Variants in XDH observed in about 807,000 individuals in gnomAD.
XDH encodes the protein xanthine dehydrogenase/oxidase.
Under a neutral mutation model 156.1 loss-of-function variants are expected in XDH, and 138 were observed. The ratio of observed to expected loss-of-function variants is 0.88; its 90% confidence interval spans 0.77 to 1.02. The LOEUF (loss-of-function observed/expected upper bound fraction) is 1.02, where lower values mean the gene tolerates loss of function less well. XDH is among the 50% of genes least tolerant of loss of function. XDH has a pLI of 0.00. For missense variants in XDH, 1,849 were observed against 1,684.9 expected, an observed-to-expected ratio of 1.10 and a Z score of -1.71; for synonymous variants, 669 against 625.7, an observed-to-expected ratio of 1.07 and a Z score of -1.03.
In XDH at chr2:31,368,070, A is replaced by G; in HGVS notation, c.2101-13T>C. ...TCTTTATAGCATCCTGAGGATCACA[A>G]AGAAGTTTCAGAAATGTGGCTTTTA... is the stretch of plus-strand genomic sequence containing the variant. On this transcript the variant is annotated splice_polypyrimidine_tract_variant and intron_variant, in intron 19 of 35. Coordinates refer to ENST00000379416, the MANE Select transcript of XDH (RefSeq NM_000379.4). 6.2e-7 allele frequency: 1 copy of G among 1,613,406 alleles called. No individual in the cohort carries two copies. The highest frequency in any genetic ancestry group is 1.1e-5 in the South Asian group (1 of 91,066).
At position 31,385,117 on chromosome 2, in the gene XDH, G is replaced by A. The variant is rs1455727973; in HGVS notation, c.794-1270C>T. On this transcript the variant is annotated intron_variant, in intron 9 of 35. Coordinates refer to ENST00000379416, the MANE Select transcript of XDH (RefSeq NM_000379.4). The stretch of plus-strand genomic sequence containing the variant: ...GAGGCTGGGGTGGGGGACCACATGA[G>A]CCCATGAGTTTGAGGTGAGCTATGG... 3.3e-5 allele frequency among the ~76,000 whole-genome samples: 5 copies of A among 152,116 alleles called. No individual in the cohort carries two copies. The East Asian group carries it at 9.6e-4, about 29-fold the overall frequency.
At chr2:31,413,595 T>A (rs1687397291) in intron 1 of XDH, among the ~76,000 whole-genome samples, 1 of 152,232 alleles carries the variant, frequency 6.6e-6, no homozygotes, top group Non-Finnish European at 1.5e-5. Context: ...CACATTATTG[T>A]TCTTGAAAAT....
chr2:31,343,150 C>T (rs941978060), intron 31 of XDH, among the ~76,000 whole-genome samples: 3 of 151,816 alleles, frequency 2.0e-5, no homozygotes, highest in Non-Finnish European at 4.4e-5. Context: ...TCACCATGCT[C>T]CTCTGCTTTG....
intron 2 of XDH, among the ~76,000 whole-genome samples, chr2:31,405,413 G>A (rs1047912212): frequency 6.6e-5 from 10 of 152,112 alleles, no homozygotes; most frequent in African/African-American, 2.4e-4. Flanking sequence ...CCACCCTCCA[G>A]GGCTCCCTGT....
intron 15 of XDH, among the ~76,000 whole-genome samples, chr2:31,375,023 C>CTTTCTTTTTTTTT (rs765524563): frequency 1.1e-5 from 1 of 92,348 alleles, no homozygotes; most frequent in African/African-American, 5.0e-5. Context: ...TTCTTTCTTT[C>CTTTCTTTTTTTTT]TTTTTTTTTT....
intron 2 of XDH, among the ~76,000 whole-genome samples, chr2:31,405,330 G>A (rs1687165131): frequency 6.6e-6 from 1 of 152,144 alleles, no homozygotes; most frequent in African/African-American, 2.4e-5. Context: ...AGAACTAAAG[G>A]TAAAGGGGCT....
intron 1 of XDH, among the ~76,000 whole-genome samples, chr2:31,414,164 A>T (rs569947937): frequency 6.6e-6 from 1 of 152,236 alleles, no homozygotes; most frequent in South Asian, 2.1e-4. Context: ...ATTAGAATCA[A>T]AGGCTGCGTA....
At chr2:31,353,524 T>C (rs1685543017) in intron 24 of XDH, among the ~76,000 whole-genome samples, 1 of 152,198 alleles carries the variant, frequency 6.6e-6, no homozygotes, top group Non-Finnish European at 1.5e-5. Context: ...CAGTAGGGAC[T>C]TTGCAACCCA....
intron 15 of XDH, 135 bp downstream of exon 15, chr2:31,375,245 C>A: frequency 1.7e-6 from 2 of 1,202,648 alleles, no homozygotes; most frequent in South Asian, 2.4e-5. Context: ...TTCCAAGATT[C>A]TTGTGCTGTG....
intron 32 of XDH, 80 bp from the exon 33 acceptor site, chr2:31,341,474 C>G (rs1685123849): frequency 6.9e-7 from 1 of 1,440,800 alleles, no homozygotes; most frequent in Non-Finnish European, 9.6e-7. Flanking sequence ...TAGTGACCCT[C>G]AGACTACAAG....
intron 9 of XDH, among the ~76,000 whole-genome samples, chr2:31,385,102 T>G (rs899401034): frequency 7.9e-5 from 12 of 151,778 alleles, no homozygotes; most frequent in Non-Finnish European, 1.8e-4. Flanking sequence ...GAGGCTGGGG[T>G]GGGGGACCAC....
At chr2:31,388,596 C>T (rs1009168830) in intron 6 of XDH, among the ~76,000 whole-genome samples, 1 of 152,216 alleles carries the variant, frequency 6.6e-6, no homozygotes, top group Non-Finnish European at 1.5e-5. Flanking sequence ...CCCTTATGCC[C>T]ATTTCTCTTC....
In XDH at chr2:31,350,524, G is replaced by T. The variant is rs28493055; in HGVS notation, c.2632-301C>A. ...CCTGAGTAGCTGGGATTACAGGCAC[G>T]CACCACACGCCCAGCTAATTTTTGT... is the stretch of plus-strand genomic sequence containing the variant. On this transcript the variant is annotated intron_variant, in intron 24 of 35. Coordinates refer to ENST00000379416, the MANE Select transcript of XDH (RefSeq NM_000379.4). Among the ~76,000 whole-genome samples the T allele has an allele frequency of 7.7e-3, 1,169 of 151,860 alleles. 3 individuals are homozygous for T. The highest frequency in any genetic ancestry group is 0.012 in the Non-Finnish European group (784 of 67,912).
At position 31,337,640 on chromosome 2, in the gene XDH, C is replaced by T. The variant is rs373373177; in HGVS notation, c.3951+1G>A. The T allele has an allele frequency of 3.1e-6, 5 of 1,613,872 alleles. No individual in the cohort carries two copies. Among genetic ancestry groups the T allele is most frequent in the Non-Finnish European group, 4.2e-6 (5 of 1,180,044 alleles). ...GAGTGGATGCTTGAGGGGCATCATACCAGGGTGGTGAACTTGTCCACGCAG... is the reference window on the plus strand; with the variant it reads ...GAGTGGATGCTTGAGGGGCATCATATCAGGGTGGTGAACTTGTCCACGCAG... On this transcript the variant is annotated splice_donor_variant, in intron 35 of 35. Transcript: ENST00000379416. LOFTEE classifies it high-confidence loss of function.
Position 31,380,198 on chromosome 2 carries a change from G to A in XDH, c.1133-222C>T, listed in dbSNP as rs45488000. Among the ~76,000 whole-genome samples, 5,412 of 152,308 alleles carry A rather than the reference G, an allele frequency of 0.036. 138 individuals carry two copies. The highest frequency in any genetic ancestry group is 0.058 in the Middle Eastern group (17 of 294). On this transcript the variant is annotated intron_variant, in intron 12 of 35. Coordinates refer to ENST00000379416, the MANE Select transcript of XDH (RefSeq NM_000379.4). ...ATCTTTAACAACCAGTTCCGTGTAG[G>A]GGGAAAAGCCCTGGTTTATAGCATT...
intron 33 of XDH, among the ~76,000 whole-genome samples, chr2:31,340,521 G>A (rs1685098577): frequency 6.6e-6 from 1 of 152,038 alleles, no homozygotes; most frequent in Non-Finnish European, 1.5e-5. Context: ...CCAGGCTGGA[G>A]TACAGTGGTG....
chr2:31,386,988 A>AAAGGAAGG (rs72299308), intron 8 of XDH, among the ~76,000 whole-genome samples: 16 of 90,506 alleles, frequency 1.8e-4, no homozygotes, highest in East Asian at 8.1e-4. Flanking sequence ...GGGAGGGAAG[A>AAAGGAAGG]AAGGAAGGAA....
intron 2 of XDH, among the ~76,000 whole-genome samples, chr2:31,405,011 G>A (rs963859531): frequency 1.3e-5 from 2 of 152,218 alleles, no homozygotes; most frequent in African/African-American, 4.8e-5. Flanking sequence ...GCACAGTCCT[G>A]CTCACAGGCC....
chr2:31,366,733 C>A, intron 21 of XDH, 137 bp downstream of exon 21: 1 of 1,372,966 alleles, frequency 7.3e-7, no homozygotes, highest in Non-Finnish European at 1.0e-6. Context: ...AAGAGTCTGG[C>A]TCCAGGACTA....
Sources: gnomAD v4.1 joint callset for allele counts (sites outside exome capture counted in the v4.1 genomes callset) on GRCh38, gnomAD v4.1.1 for gene constraint, MANE v1.5 for transcripts, NCBI Gene and HGNC (gene_info 2026-07-23, HGNC 2026-07-21) for gene names.